The following FOXP1 variants were observed in gnomAD, a reference collection of about 807,000 sequenced individuals.
The protein encoded by FOXP1 is forkhead box protein P1.
FOXP1 carries 15 observed loss-of-function variants against 98.2 expected under a neutral mutation model. The ratio of observed to expected loss-of-function variants is 0.15; its 90% CI spans 0.10 to 0.24. The LOEUF (loss-of-function observed/expected upper bound fraction) is 0.24, where lower values mean the gene tolerates loss of function less well. FOXP1 is among the 10% of genes least tolerant of loss of function. The probability of loss-of-function intolerance (pLI) is 1.00; values close to 1 mark genes in which losing one functional copy is unlikely to be tolerated. For missense variants in FOXP1, 633 were observed against 848.5 expected (o/e 0.75, Z 3.15); for synonymous variants, 371 against 314.5 (o/e 1.18, Z -1.90).
intron 3 of FOXP1, among the ~76,000 whole-genome samples, chr3:71,459,496 T>G (rs2087813269): frequency 6.6e-6 from 1 of 152,216 alleles, no homozygotes; most frequent in Non-Finnish European, 1.5e-5. Context: ...TCTAGTTCCC[T>G]TCCTAACGCA....
In FOXP1 at chr3:71,184,806, A is replaced by G. The variant is rs191297479; in HGVS notation, c.180+13396T>C. On this transcript the variant is annotated intron_variant, in intron 6 of 20. Transcript: ENST00000649528. Reference sequence around the variant, plus strand: ...TTGTAGATGAAATTGCAATCGCAAAATTACACATACAAACACACTTTTCAG... The same window carrying G: ...TTGTAGATGAAATTGCAATCGCAAAGTTACACATACAAACACACTTTTCAG... 7.9e-5 allele frequency among the ~76,000 whole-genome samples: 12 copies of G among 152,252 alleles called. No homozygotes were observed. In the East Asian group the frequency reaches 2.3e-3, roughly 29 times the overall value.
At chr3:71,302,979 T>C (rs958422140) in intron 4 of FOXP1, 1 of 152,192 alleles carries the variant, frequency 6.6e-6, no homozygotes, top group Non-Finnish European at 1.5e-5. Flanking sequence ...TCATACTTTC[T>C]ATGGATATAT....
In FOXP1 at chr3:71,102,961, C is replaced by T. The variant is rs908548887; in HGVS notation, c.282+9575G>A. ...AAAATGGGAATAATAATAGAACTTA[C>T]CCCATATGGTTGTTGTACAGTAGTT... On this transcript the variant is annotated intron_variant, in intron 7 of 20. Transcript: ENST00000649528. Among the ~76,000 whole-genome samples the T allele has an allele frequency of 2.0e-5, 3 of 152,160 alleles. No individual in the cohort carries two copies. The East Asian group carries it at 5.8e-4, about 29-fold the overall frequency.
In FOXP1 at chr3:71,107,807, T is replaced by C. The variant is rs530398927; in HGVS notation, c.282+4729A>G. On this transcript the variant is annotated intron_variant, in intron 7 of 20. Coordinates refer to ENST00000649528, the MANE Select transcript of FOXP1 (RefSeq NM_001349338.3). The stretch of plus-strand genomic sequence containing the variant: ...GAAATGATATGAGCTACTAAGATTA[T>C]ATGCGGCATTAATGCAAAGCAAAAT... Among the ~76,000 whole-genome samples, 4 of 152,354 alleles carry C rather than the reference T, an allele frequency of 2.6e-5. No individual in the cohort carries two copies. In the South Asian group the frequency reaches 6.2e-4, roughly 24 times the overall value.
chr3:70,966,174 T>C, intron 19 of FOXP1, 118 bp from the exon 20 acceptor site: 1 of 935,782 alleles, frequency 1.1e-6, no homozygotes, highest in Non-Finnish European at 1.7e-6. Flanking sequence ...GGCTGGCAAA[T>C]ACAAGTTTCT....
intron 9 of FOXP1, among the ~76,000 whole-genome samples, chr3:71,050,685 T>C (rs979424833): frequency 2.0e-5 from 3 of 152,254 alleles, no homozygotes; most frequent in Admixed American, 2.0e-4. Context: ...AGTGGGTTTT[T>C]ACCAATTCTG....
chr3:71,137,554 T>C (rs1464148090), intron 6 of FOXP1, among the ~76,000 whole-genome samples: 1 of 152,192 alleles, frequency 6.6e-6, no homozygotes, highest in Non-Finnish European at 1.5e-5. Flanking sequence ...TCAGGGCTCT[T>C]TGTTGATAAC....
At chr3:70,959,950 A>G (rs973107721) in intron 20 of FOXP1, among the ~76,000 whole-genome samples, 2 of 152,178 alleles carry the variant, frequency 1.3e-5, no homozygotes, top group Non-Finnish European at 2.9e-5. Context: ...CCATCTTCAA[A>G]TAATTACACG....
intron 13 of FOXP1, among the ~76,000 whole-genome samples, chr3:70,999,253 C>T (rs1350872280): frequency 6.6e-6 from 1 of 152,110 alleles, no homozygotes; most frequent in Non-Finnish European, 1.5e-5. Flanking sequence ...CCACACCTGG[C>T]TAATTTTTGT....
intron 3 of FOXP1, among the ~76,000 whole-genome samples, chr3:71,479,946 C>T (rs2090143526): frequency 6.6e-6 from 1 of 152,042 alleles, no homozygotes; most frequent in Non-Finnish European, 1.5e-5. Flanking sequence ...GCCTGTAATC[C>T]CAGCACTTTG....
intron 4 of FOXP1, among the ~76,000 whole-genome samples, chr3:71,343,554 A>ATTTTTTTT (rs10658352): frequency 4.3e-5 from 5 of 116,414 alleles, no homozygotes; most frequent in Non-Finnish European, 8.3e-5. Flanking sequence ...TCTCAATTAG[A>ATTTTTTTT]TTTTTTTTTT....
chr3:71,334,541 C>T (rs1342757540), intron 4 of FOXP1: 1 of 152,120 alleles, frequency 6.6e-6, no homozygotes, highest in African/African-American at 2.4e-5. Context: ...TGCAAAAGGA[C>T]CCTGGACACT....
At chr3:71,295,424 G>C (rs2073184316) in intron 5 of FOXP1, among the ~76,000 whole-genome samples, 1 of 152,112 alleles carries the variant, frequency 6.6e-6, no homozygotes, top group Non-Finnish European at 1.5e-5. Flanking sequence ...AAGACACAAT[G>C]AATGTTATCT....
At chr3:71,276,893 C>T (rs1004368184) in intron 5 of FOXP1, among the ~76,000 whole-genome samples, 1 of 151,770 alleles carries the variant, frequency 6.6e-6, no homozygotes, top group Non-Finnish European at 1.5e-5. Context: ...TAACAAATCT[C>T]TCCGTTCCCC....
At chr3:71,159,323 A>T (rs1335478934) in intron 6 of FOXP1, among the ~76,000 whole-genome samples, 1 of 152,138 alleles carries the variant, frequency 6.6e-6, no homozygotes. Context: ...TAAAAGGGTT[A>T]TGATGGTTTA....
At chr3:71,026,787 T>C (rs925829173) in intron 11 of FOXP1, among the ~76,000 whole-genome samples, 3 of 152,184 alleles carry the variant, frequency 2.0e-5, no homozygotes, top group Admixed American at 1.3e-4. Context: ...GGAGTATTTA[T>C]GTGGCATAGC....
At chr3:71,059,827 G>C (rs529896961) in intron 7 of FOXP1, among the ~76,000 whole-genome samples, 3 of 152,206 alleles carry the variant, frequency 2.0e-5, no homozygotes, top group Non-Finnish European at 4.4e-5. Flanking sequence ...TTCTTAAAGG[G>C]AAAAGGAAGA....
At chr3:71,184,770 G>T (rs1243053608) in intron 6 of FOXP1, among the ~76,000 whole-genome samples, 3 of 150,470 alleles carry the variant, frequency 2.0e-5, no homozygotes, top group Non-Finnish European at 4.4e-5. Flanking sequence ...TTTTTTTTTG[G>T]GGGGGGCATA....
chr3:71,411,106 A>C (rs1445138260), intron 3 of FOXP1, among the ~76,000 whole-genome samples: 1 of 152,206 alleles, frequency 6.6e-6, no homozygotes, highest in Non-Finnish European at 1.5e-5. Context: ...ATAACTTTTA[A>C]ATTCCCATAT....
Sources: allele counts gnomAD v4.1 joint callset (sites outside exome capture counted in the v4.1 genomes callset), GRCh38; gene constraint gnomAD v4.1.1; transcripts MANE v1.5; gene names NCBI Gene and HGNC (gene_info 2026-07-23, HGNC 2026-07-21).